The following DYNLRB1 variants were observed in gnomAD, a reference collection of about 807,000 sequenced individuals.
The protein encoded by DYNLRB1 is ROBL/LC7-like 1.
Under a neutral mutation model 13.5 loss-of-function variants are expected in DYNLRB1, and 6 were observed. That is an observed-to-expected ratio of 0.44 (90% CI 0.24 to 0.88). The LOEUF is 0.88. Ranked by LOEUF, DYNLRB1 falls within the 40% of genes least tolerant of loss-of-function variation. The pLI, the probability that DYNLRB1 is intolerant of heterozygous loss-of-function variation, is 0.21. For missense variants in DYNLRB1, 93 were observed against 127.2 expected (o/e 0.73, Z 1.29); for synonymous variants, 43 against 45.0 (o/e 0.96, Z 0.18).
At chr20:34,538,247 C>T (rs550925067) in intron 3 of DYNLRB1, among the ~76,000 whole-genome samples, 29 of 148,800 alleles carry the variant, frequency 1.9e-4, no homozygotes, top group African/African-American at 6.9e-4. Context: ...GGATTATATG[C>T]GTGAGCCACC....
intron 2 of DYNLRB1, 55 bp from the exon 3 acceptor site, chr20:34,534,573 G>A (rs1980973031): frequency 6.6e-7 from 1 of 1,516,836 alleles, no homozygotes; most frequent in Admixed American, 2.2e-5. Flanking sequence ...GTGTGGGTGG[G>A]AGCTCGGCAG....
intron 1 of DYNLRB1, among the ~76,000 whole-genome samples, chr20:34,519,291 C>T (rs1979520005): frequency 6.6e-6 from 1 of 152,200 alleles, no homozygotes. Flanking sequence ...TACCCCGTGG[C>T]AACTTCTGTT....
intron 2 of DYNLRB1, among the ~76,000 whole-genome samples, chr20:34,527,258 G>A (rs1349988852): frequency 1.3e-5 from 2 of 152,222 alleles, no homozygotes; most frequent in African/African-American, 4.8e-5. Flanking sequence ...GCTCCAGGCA[G>A]CAGTAAGGAC....
At chr20:34,526,507 T>TC (rs1980233322) in intron 2 of DYNLRB1, 164 bp downstream of exon 2, 4 of 630,192 alleles carry the variant, frequency 6.3e-6, no homozygotes, top group Non-Finnish European at 1.1e-5. Context: ...TTTTTTTTTT[T>TC]CATTAAGGCT....
intron 1 of DYNLRB1, among the ~76,000 whole-genome samples, chr20:34,519,046 C>G (rs1311575549): frequency 6.6e-6 from 1 of 151,964 alleles, no homozygotes; most frequent in African/African-American, 2.4e-5. Context: ...GAGCATGCCA[C>G]CATGCCTGGC....
At chr20:34,538,044 G>A (rs1358325194) in intron 3 of DYNLRB1, among the ~76,000 whole-genome samples, 1 of 133,788 alleles carries the variant, frequency 7.5e-6, no homozygotes, top group Non-Finnish European at 1.6e-5. Flanking sequence ...CTGGAGTGCA[G>A]TGGTGCGATC....
chr20:34,516,445 C>A lies in DYNLRB1; in HGVS notation c.-14C>A. 1 of 1,613,398 alleles carries A rather than the reference C, an allele frequency of 6.2e-7. No individual in the cohort carries two copies. ...CTAAGTGTTCGCTACGCGGGGCTAC[C>A]GGATCGGTCGGAAATGGTGAGCGTG... On this transcript the variant is annotated 5_prime_UTR_variant, in exon 1 of 4. Coordinates refer to ENST00000357156, the MANE Select transcript of DYNLRB1 (RefSeq NM_014183.4).
Position 34,516,476 on chromosome 20 carries a change from G to T in DYNLRB1, c.3+15G>T. 6.8e-6 allele frequency: 11 copies of T among 1,612,770 alleles called. No individual in the cohort carries two copies. The highest frequency in any genetic ancestry group is 6.7e-5 in the Admixed American group (4 of 59,930). On this transcript the variant is annotated intron_variant, in intron 1 of 3. Transcript: ENST00000357156. ...GGTCGGAAATGGTGAGCGTGCGCCGGGGTCTTGTGGCTGGCGGCCGCCCAC... is the reference window on the plus strand; with the variant it reads ...GGTCGGAAATGGTGAGCGTGCGCCGTGGTCTTGTGGCTGGCGGCCGCCCAC...
intron 2 of DYNLRB1, among the ~76,000 whole-genome samples, chr20:34,532,669 A>G (rs1325404411): frequency 6.6e-6 from 1 of 152,228 alleles, no homozygotes. Flanking sequence ...CATTGTGGCC[A>G]TCCAGGAGCC....
intron 3 of DYNLRB1, 167 bp downstream of exon 3, chr20:34,534,962 C>A: frequency 6.8e-7 from 1 of 1,476,936 alleles, no homozygotes; most frequent in Non-Finnish European, 9.0e-7. Context: ...CAGCTGGTGT[C>A]CCATAGCAGA....
At position 34,540,697 on chromosome 20, in the gene DYNLRB1, T is replaced by C. The variant is rs538473669; in HGVS notation, c.*73T>C. 2 of 1,506,256 alleles carry C rather than the reference T, an allele frequency of 1.3e-6. No individual in the cohort carries two copies. Among genetic ancestry groups the C allele is most frequent in the East Asian group, 2.3e-5 (1 of 44,304 alleles). The allele number at this position is 1,506,256 out of a possible 1,614,324, so 93.3% of individuals were successfully genotyped here. ...AGAATGTTAATGTCAATCATGTCAG[T>C]GGACTAGCACATGGCAGTCGCTTGG... On this transcript the variant is annotated 3_prime_UTR_variant, in exon 4 of 4. Coordinates refer to ENST00000357156, the MANE Select transcript of DYNLRB1 (RefSeq NM_014183.4).
Position 34,540,731 on chromosome 20 carries a change from C to A in DYNLRB1, c.*107C>A. 2 of 1,165,294 alleles carry A rather than the reference C, an allele frequency of 1.7e-6. No homozygotes were observed. Among genetic ancestry groups the A allele is most frequent in the Non-Finnish European group, 2.5e-6 (2 of 799,368 alleles). 72.2% of individuals were successfully genotyped at this position (1,165,294 alleles called of 1,614,324 possible). A position where few individuals can be genotyped will look rare whatever the true frequency, so the allele number is the denominator to read the frequency against. ...ACATGGCAGTCGCTTGGAACCCACTCACACCAATCCAGTGACCGTGTGTGG... is the reference window on the plus strand; with the variant it reads ...ACATGGCAGTCGCTTGGAACCCACTAACACCAATCCAGTGACCGTGTGTGG... On this transcript the variant is annotated 3_prime_UTR_variant, in exon 4 of 4. Coordinates refer to ENST00000357156, the MANE Select transcript of DYNLRB1 (RefSeq NM_014183.4).
chr20:34,522,005 G>A (rs1398398333), intron 1 of DYNLRB1, among the ~76,000 whole-genome samples: 1 of 151,808 alleles, frequency 6.6e-6, no homozygotes, highest in African/African-American at 2.4e-5. Context: ...ACCATGGCAC[G>A]CCTGGGTGAC....
chr20:34,532,803 T>C (rs1438737339), intron 2 of DYNLRB1, among the ~76,000 whole-genome samples: 1 of 152,168 alleles, frequency 6.6e-6, no homozygotes, highest in Non-Finnish European at 1.5e-5. Context: ...TGCCACCATG[T>C]CCTCTTCTGC....
At chr20:34,515,651 T>C (rs1259166791), upstream of DYNLRB1, among the ~76,000 whole-genome samples, 1 of 151,932 alleles carries the variant, frequency 6.6e-6, no homozygotes, top group Non-Finnish European at 1.5e-5. Flanking sequence ...TCGAGGTACC[T>C]GACTCCAGCC....
Position 34,540,755 on chromosome 20 carries a change from G to A in DYNLRB1, c.*131G>A, listed in dbSNP as rs1981518372. The A allele has an allele frequency of 1.1e-6, 1 of 923,408 alleles. No homozygotes were observed. The highest frequency in any genetic ancestry group is 1.6e-6 in the Non-Finnish European group (1 of 609,064). 57.2% of individuals were successfully genotyped at this position (923,408 alleles called of 1,614,324 possible). A position where few individuals can be genotyped will look rare whatever the true frequency, so the allele number is the denominator to read the frequency against. The stretch of plus-strand genomic sequence containing the variant: ...TCACACCAATCCAGTGACCGTGTGT[G>A]GGCTGGCGGCTCTTCTCCCCCACCA... On this transcript the variant is annotated 3_prime_UTR_variant, in exon 4 of 4. Transcript: ENST00000357156.
intron 3 of DYNLRB1, 135 bp from the exon 4 acceptor site, chr20:34,540,446 C>T: frequency 1.2e-6 from 1 of 814,928 alleles, no homozygotes; most frequent in East Asian, 2.7e-5. Flanking sequence ...TTTGGAGATG[C>T]TGAACGTTGA....
At position 34,522,461 on chromosome 20, in the gene DYNLRB1, T is replaced by C. The variant is rs1004044402; in HGVS notation, c.4-3807T>C. 6.1e-4 allele frequency among the ~76,000 whole-genome samples: 81 copies of C among 133,272 alleles called. 2 individuals are homozygous for C. The highest frequency in any genetic ancestry group is 3.8e-4 in the Admixed American group (5 of 13,294). 87.4% of individuals were successfully genotyped at this position (133,272 alleles called of 152,430 possible). On this transcript the variant is annotated intron_variant, in intron 1 of 3. Coordinates refer to ENST00000357156, the MANE Select transcript of DYNLRB1 (RefSeq NM_014183.4). ...CTTTTCTTTTTTCTTTCTTTCTTTT[T>C]TCTTTTTCTTTTTTTTTTTTTTTTT...
intron 1 of DYNLRB1, among the ~76,000 whole-genome samples, chr20:34,523,255 G>C (rs1251845899): frequency 1.3e-5 from 2 of 152,142 alleles, no homozygotes; most frequent in East Asian, 3.9e-4. Flanking sequence ...AGGGGTAGGA[G>C]GCTTCCGCAG....
Sources: gnomAD v4.1 joint callset for allele counts (sites outside exome capture counted in the v4.1 genomes callset) on GRCh38, gnomAD v4.1.1 for gene constraint, MANE v1.5 for transcripts, NCBI Gene and HGNC (gene_info 2026-07-23, HGNC 2026-07-21) for gene names.